The following PDIA6 variants were observed in gnomAD, a reference collection of about 807,000 sequenced individuals.
PDIA6 encodes protein disulfide isomerase family A member 6.
Under a neutral mutation model 58.4 loss-of-function variants are expected in PDIA6, and 29 were observed. The ratio of observed to expected loss-of-function variants is 0.50; its 90% CI spans 0.37 to 0.68. The LOEUF (loss-of-function observed/expected upper bound fraction) is 0.68, where lower values mean the gene tolerates loss of function less well. Among genes scored for constraint, PDIA6 ranks in the 30% least tolerant of loss-of-function variants. PDIA6 has a pLI of 0.00. For missense variants in PDIA6, 480 were observed against 551.0 expected (o/e 0.87, Z 1.29); for synonymous variants, 192 against 202.6 (o/e 0.95, Z 0.44).
At chr2:10,793,333 T>C in intron 4 of PDIA6, 131 bp from the exon 5 acceptor site, 3 of 625,296 alleles carry the variant, frequency 4.8e-6, no homozygotes, top group Non-Finnish European at 8.8e-6. Context: ...CACGTGTATC[T>C]CTGACAGAAC....
At chr2:10,807,482 G>A (rs1259239643) in intron 1 of PDIA6, among the ~76,000 whole-genome samples, 1 of 152,088 alleles carries the variant, frequency 6.6e-6, no homozygotes, top group Non-Finnish European at 1.5e-5. Context: ...GAGTGACCAC[G>A]CCAGGCCAAA....
At chr2:10,819,186 C>T (rs552776195) in intron 2 of PDIA6, 4 of 727,128 alleles carry the variant, frequency 5.5e-6, no homozygotes, top group Non-Finnish European at 7.0e-6. Flanking sequence ...TTTATCCATC[C>T]GTCTGTTAGT....
intron 6 of PDIA6, 84 bp downstream of exon 6, chr2:10,791,711 A>G: frequency 1.6e-6 from 2 of 1,246,016 alleles, no homozygotes; most frequent in Non-Finnish European, 2.3e-6. Context: ...GTGATCTATT[A>G]TCTACTTCAG....
intron 7 of PDIA6, 87 bp downstream of exon 7, chr2:10,790,632 C>A: frequency 1.1e-6 from 1 of 907,370 alleles, no homozygotes. Context: ...ATCTCCTTTA[C>A]TACCTCATAG....
chr2:10,806,567 C>G (rs77366369), intron 1 of PDIA6, among the ~76,000 whole-genome samples: 11,886 of 137,694 alleles, frequency 0.086, 658 homozygotes, highest in South Asian at 0.16. Flanking sequence ...TTGAGGCCAG[C>G]AGTTCAAAAC....
intron 7 of PDIA6, 135 bp from the exon 8 acceptor site, chr2:10,790,024 GC>G (rs1232590498): frequency 4.3e-6 from 3 of 690,148 alleles, no homozygotes; most frequent in Non-Finnish European, 4.7e-6. Context: ...TGTTGCCCAG[GC>G]TGGAGAGCAC....
At chr2:10,819,367 G>A in intron 1 of PDIA6, 2 of 1,456,500 alleles carry the variant, frequency 1.4e-6, no homozygotes, top group Non-Finnish European at 1.9e-6. Context: ...GAAAGTGAGA[G>A]AGAAGAGGAG....
chr2:10,817,076 G>T (rs987229006), upstream of PDIA6, among the ~76,000 whole-genome samples: 1 of 151,820 alleles, frequency 6.6e-6, no homozygotes, highest in Non-Finnish European at 1.5e-5. Flanking sequence ...CTTTGCCGAC[G>T]CACACACACA....
At chr2:10,820,164 C>T (rs536137988) in intron 1 of PDIA6, among the ~76,000 whole-genome samples, 21 of 152,150 alleles carry the variant, frequency 1.4e-4, no homozygotes, top group South Asian at 2.1e-4. Context: ...AGGTTAAGAG[C>T]GGAAGTTTAA....
At chr2:10,799,384 T>C (rs1247128958) in intron 2 of PDIA6, among the ~76,000 whole-genome samples, 1 of 152,228 alleles carries the variant, frequency 6.6e-6, no homozygotes, top group Non-Finnish European at 1.5e-5. Context: ...TTAATCAGCA[T>C]GAAGCTGAGG....
intron 2 of PDIA6, 38 bp downstream of exon 2, chr2:10,802,461 G>A (rs1666552506): frequency 1.6e-6 from 2 of 1,226,720 alleles, no homozygotes; most frequent in Non-Finnish European, 1.1e-6. Context: ...ATTTCAGAAA[G>A]TACTATAAAT....
At chr2:10,813,638 T>G (rs573898721), upstream of PDIA6, among the ~76,000 whole-genome samples, 85 of 142,110 alleles carry the variant, frequency 6.0e-4, no homozygotes, top group African/African-American at 2.4e-3. Context: ...AGTAAAAATT[T>G]TTTTGCTTTT....
intron 1 of PDIA6, chr2:10,810,378 G>A: frequency 1.3e-6 from 2 of 1,499,328 alleles, no homozygotes; most frequent in Admixed American, 2.1e-5. Flanking sequence ...ATCAAGGACA[G>A]CAATAACGTC....
intron 11 of PDIA6, among the ~76,000 whole-genome samples, chr2:10,786,116 G>A (rs1039402634): frequency 6.6e-6 from 1 of 151,958 alleles, no homozygotes; most frequent in East Asian, 2.0e-4. Flanking sequence ...TGAGGTCAGG[G>A]GTTTGAGACC....
Position 10,797,110 on chromosome 2 carries a change from G to C in PDIA6, c.317C>G (p.Ser106Cys), listed in dbSNP as rs760379382. ...QGFPTIKIFG[S>C]NKNRPEDYQG... ...GTAATCTTCTGGTCTGTTTTTGTTGGATCCAAAAATCTTAATGGTAGGAAA... is the reference window on the plus strand; with the variant it reads ...GTAATCTTCTGGTCTGTTTTTGTTGCATCCAAAAATCTTAATGGTAGGAAA... Residue 106 changes from serine to cysteine, a missense_variant, in exon 4 of 13, where the codon TCC becomes TGC. Transcript: ENST00000272227. The C allele has an allele frequency of 1.4e-5, 22 of 1,613,202 alleles. No homozygotes were observed. Among genetic ancestry groups the C allele is most frequent in the Non-Finnish European group, 1.9e-5 (22 of 1,179,344 alleles).
intron 2 of PDIA6, among the ~76,000 whole-genome samples, chr2:10,818,482 A>ATTT (rs1558460278): frequency 4.6e-4 from 24 of 52,610 alleles, no homozygotes; most frequent in Admixed American, 6.1e-4. Context: ...TAACCATTTA[A>ATTT]TTTATTTATT....
intron 1 of PDIA6, among the ~76,000 whole-genome samples, chr2:10,809,643 C>T (rs1198238405): frequency 1.6e-3 from 16 of 10,104 alleles, no homozygotes; most frequent in Non-Finnish European, 2.6e-4. Flanking sequence ...AAGACCCGGT[C>T]TCAAAAAAAA....
At chr2:10,819,275 G>A (rs188725807) in exon 2 of PDIA6, 23 of 1,515,414 alleles carry the variant, frequency 1.5e-5, no homozygotes, top group African/African-American at 5.5e-5. Flanking sequence ...TCTACTTACC[G>A]GGTGCATTAG....
At chr2:10,794,386 C>T in intron 4 of PDIA6, among the ~76,000 whole-genome samples, 1 of 149,152 alleles carries the variant, frequency 6.7e-6, no homozygotes, top group Non-Finnish European at 1.5e-5. Context: ...ACGGAGGCTG[C>T]AGTGAGCTGA....
Sources: allele counts gnomAD v4.1 joint callset (sites outside exome capture counted in the v4.1 genomes callset), GRCh38; gene constraint gnomAD v4.1.1; transcripts MANE v1.5; gene names NCBI Gene and HGNC (gene_info 2026-07-23, HGNC 2026-07-21).